RSPO3: variants seen among roughly 807,000 people sequenced by gnomAD.
RSPO3 encodes the protein R-spondin-3.
Under a neutral mutation model 36.5 loss-of-function variants are expected in RSPO3, and 17 were observed. That is an observed-to-expected ratio of 0.47 (90% confidence interval 0.32 to 0.70). The LOEUF (loss-of-function observed/expected upper bound fraction) is 0.70, where lower values mean the gene tolerates loss of function less well. Among genes scored for constraint, RSPO3 ranks in the 30% least tolerant of loss-of-function variants. The pLI is 0.04. For synonymous variants in RSPO3, 108 were observed against 107.0 expected, an observed-to-expected ratio of 1.01 and a Z score of -0.06; for missense variants, 294 against 322.5, an observed-to-expected ratio of 0.91 and a Z score of 0.68.
At chr6:127,176,553 G>T (rs549983516) in intron 4 of RSPO3, among the ~76,000 whole-genome samples, 34 of 150,904 alleles carry the variant, frequency 2.3e-4, no homozygotes, top group African/African-American at 7.3e-4. Context: ...TTTTTGATAC[G>T]GTCAAACAAA....
chr6:127,129,840 G>C (rs1451497353), intron 1 of RSPO3, among the ~76,000 whole-genome samples: 2 of 151,958 alleles, frequency 1.3e-5, no homozygotes, highest in Non-Finnish European at 2.9e-5. Flanking sequence ...AGAACTCAAA[G>C]AATCTAGTCT....
chr6:127,169,169 G>C (rs529101229), intron 4 of RSPO3, among the ~76,000 whole-genome samples: 1 of 151,804 alleles, frequency 6.6e-6, no homozygotes, highest in East Asian at 2.0e-4. Flanking sequence ...CAACCATGTA[G>C]AAGTGTTTCT....
chr6:127,148,225 A>G (rs1582794882), intron 1 of RSPO3, among the ~76,000 whole-genome samples: 1 of 152,188 alleles, frequency 6.6e-6, no homozygotes, highest in Middle Eastern at 3.4e-3. Context: ...AAGCAAAGCA[A>G]ATGTGTATTA....
intron 1 of RSPO3, among the ~76,000 whole-genome samples, chr6:127,142,854 T>G (rs1774305990): frequency 6.6e-6 from 1 of 152,202 alleles, no homozygotes; most frequent in South Asian, 2.1e-4. Context: ...TATCTCTCTG[T>G]CATCCAGGCT....
At chr6:127,183,368 T>C (rs570753780) in intron 4 of RSPO3, among the ~76,000 whole-genome samples, 1 of 152,142 alleles carries the variant, frequency 6.6e-6, no homozygotes, top group South Asian at 2.1e-4. Flanking sequence ...GATATAGCTC[T>C]CTGGAGTTCA....
At position 127,197,324 on chromosome 6, in the gene RSPO3, C is replaced by A; in HGVS notation, c.*1317C>A. On this transcript the variant is annotated 3_prime_UTR_variant, in exon 5 of 5. Transcript: ENST00000356698. ...CTAGCTGATTTCACTGCTCCCCCTTCATTGCTTAGAAATGGGCATCATTTC... is the reference window on the plus strand; with the variant it reads ...CTAGCTGATTTCACTGCTCCCCCTTAATTGCTTAGAAATGGGCATCATTTC... 1.4e-6 allele frequency: 2 copies of A among 1,449,292 alleles called. No homozygotes were observed. Among genetic ancestry groups the A allele is most frequent in the Non-Finnish European group, 9.3e-7 (1 of 1,077,974 alleles). The allele number at this position is 1,449,292 out of a possible 1,614,324, so 89.8% of individuals were successfully genotyped here.
At chr6:127,159,642 TCC>T (rs1351928289) in intron 4 of RSPO3, among the ~76,000 whole-genome samples, 2 of 145,600 alleles carry the variant, frequency 1.4e-5, no homozygotes, top group African/African-American at 2.6e-5. Context: ...ACATACATTC[TCC>T]TTTTTTTTTT....
chr6:127,180,842 T>C (rs1775170546), intron 4 of RSPO3, among the ~76,000 whole-genome samples: 1 of 151,836 alleles, frequency 6.6e-6, no homozygotes, highest in Non-Finnish European at 1.5e-5. Context: ...TTTCAACTAC[T>C]TATATATCAT....
At chr6:127,170,489 AT>A (rs1321848690) in intron 4 of RSPO3, among the ~76,000 whole-genome samples, 1 of 151,570 alleles carries the variant, frequency 6.6e-6, no homozygotes, top group Non-Finnish European at 1.5e-5. Flanking sequence ...ACATATATAT[AT>A]AATTACCATA....
At chr6:127,130,026 T>C (rs1774020442) in intron 1 of RSPO3, among the ~76,000 whole-genome samples, 1 of 152,172 alleles carries the variant, frequency 6.6e-6, no homozygotes, top group South Asian at 2.1e-4. Flanking sequence ...AACAAACTTA[T>C]GATTTCTTGT....
chr6:127,178,911 C>A (rs868006899), intron 4 of RSPO3, among the ~76,000 whole-genome samples: 3 of 151,754 alleles, frequency 2.0e-5, no homozygotes, highest in African/African-American at 7.3e-5. Context: ...AGAACTGAAG[C>A]GGTGAACACC....
intron 4 of RSPO3, among the ~76,000 whole-genome samples, chr6:127,174,248 C>T (rs995737087): frequency 4.0e-5 from 6 of 151,822 alleles, no homozygotes; most frequent in African/African-American, 9.7e-5. Flanking sequence ...AATTTGTATA[C>T]AGATTTTCAG....
At position 127,197,614 on chromosome 6, in the gene RSPO3, C is replaced by G; in HGVS notation, c.*1607C>G. 6.9e-7 allele frequency: 1 copy of G among 1,453,364 alleles called. No individual in the cohort carries two copies. The highest frequency in any genetic ancestry group is 2.4e-5 in the Admixed American group (1 of 42,056). 90.0% of individuals were successfully genotyped at this position (1,453,364 alleles called of 1,614,324 possible). The stretch of plus-strand genomic sequence containing the variant: ...ATTCCTAGCCCTCTCAAGATCACTG[C>G]TTTCTGAAGAATTTGCAATGACTCT... On this transcript the variant is annotated 3_prime_UTR_variant, in exon 5 of 5. Transcript: ENST00000356698.
chr6:127,125,062 A>G (rs1236209662), intron 1 of RSPO3, among the ~76,000 whole-genome samples: 1 of 152,096 alleles, frequency 6.6e-6, no homozygotes, highest in Non-Finnish European at 1.5e-5. Flanking sequence ...CTCTTATCTG[A>G]TAAGAGCATT....
At chr6:127,120,188 C>T (rs768696583) in intron 1 of RSPO3, among the ~76,000 whole-genome samples, 11 of 152,194 alleles carry the variant, frequency 7.2e-5, no homozygotes, top group Non-Finnish European at 1.3e-4. Flanking sequence ...ACGGCAGCCT[C>T]AACCTGGGTT....
intron 4 of RSPO3, among the ~76,000 whole-genome samples, chr6:127,184,199 T>A (rs1775244759): frequency 6.6e-6 from 1 of 152,016 alleles, no homozygotes; most frequent in African/African-American, 2.4e-5. Context: ...TACTCCAAAA[T>A]AATCAGTCCT....
At chr6:127,182,663 C>T (rs1264270400) in intron 4 of RSPO3, among the ~76,000 whole-genome samples, 1 of 151,922 alleles carries the variant, frequency 6.6e-6, no homozygotes, top group Admixed American at 6.6e-5. Flanking sequence ...GTCCTTGCTA[C>T]ACCCTCTTAA....
chr6:127,181,872 G>A (rs1050221590), intron 4 of RSPO3, among the ~76,000 whole-genome samples: 2 of 151,776 alleles, frequency 1.3e-5, no homozygotes, highest in Non-Finnish European at 2.9e-5. Flanking sequence ...GTACATTTTT[G>A]TATTGCTATA....
At chr6:127,175,066 A>C (rs2114623467) in intron 4 of RSPO3, among the ~76,000 whole-genome samples, 1 of 151,892 alleles carries the variant, frequency 6.6e-6, no homozygotes, top group Middle Eastern at 3.4e-3. Flanking sequence ...TTTCAACCTT[A>C]CTTCAATGCA....
Sources: gnomAD v4.1 joint callset for allele counts (sites outside exome capture counted in the v4.1 genomes callset) on GRCh38, gnomAD v4.1.1 for gene constraint, MANE v1.5 for transcripts, NCBI Gene and HGNC (gene_info 2026-07-23, HGNC 2026-07-21) for gene names.